Variants in GLT8D2 observed in about 807,000 individuals in gnomAD.
GLT8D2 encodes the protein glycosyltransferase 8 domain-containing protein 2.
A neutral mutation model predicts 44.5 loss-of-function variants in GLT8D2; 45 were observed. That is an observed-to-expected ratio of 1.01 (90% confidence interval 0.80 to 1.30). The LOEUF is 1.30. Ranked by LOEUF, GLT8D2 falls within the 50% of genes most tolerant of loss-of-function variation. The pLI is 0.00. For missense variants in GLT8D2, 400 were observed against 430.4 expected (o/e 0.93, Z 0.62); for synonymous variants, 156 against 157.2 (o/e 0.99, Z 0.06).
intron 4 of GLT8D2, among the ~76,000 whole-genome samples, chr12:104,003,657 T>C (rs1368233103): frequency 6.6e-6 from 1 of 152,090 alleles, no homozygotes; most frequent in East Asian, 1.9e-4. Context: ...ACTGTTGATA[T>C]GATGGTGGGA....
chr12:104,047,375 G>A (rs905048997), intron 1 of GLT8D2, among the ~76,000 whole-genome samples: 6 of 147,918 alleles, frequency 4.1e-5, no homozygotes, highest in Non-Finnish European at 7.4e-5. Context: ...TGCAATCTCA[G>A]CTCACCACAA....
At chr12:104,042,319 A>G (rs1239759251) in intron 1 of GLT8D2, among the ~76,000 whole-genome samples, 2 of 152,102 alleles carry the variant, frequency 1.3e-5, no homozygotes, top group African/African-American at 4.8e-5. Flanking sequence ...CCACCTTGAG[A>G]CCATGAGGGA....
intron 1 of GLT8D2, among the ~76,000 whole-genome samples, chr12:104,025,274 T>A (rs1878439390): frequency 6.6e-6 from 1 of 151,852 alleles, no homozygotes. Flanking sequence ...AGTGGTATAA[T>A]CTTGGCCCAC....
At chr12:103,996,712 T>C in intron 8 of GLT8D2, 23 bp downstream of exon 8, 1 of 1,532,992 alleles carries the variant, frequency 6.5e-7, no homozygotes, top group Non-Finnish European at 9.0e-7. Context: ...GAAGGGAGGA[T>C]TTCTGAGACA....
intron 4 of GLT8D2, among the ~76,000 whole-genome samples, chr12:104,006,473 A>G (rs1379150547): frequency 2.6e-5 from 4 of 152,366 alleles, no homozygotes; most frequent in Admixed American, 1.3e-4. Context: ...CTGATGTCAC[A>G]GCTTGGATTT....
intron 1 of GLT8D2, among the ~76,000 whole-genome samples, chr12:104,029,511 AAGAG>A (rs1298236021): frequency 6.6e-6 from 1 of 152,120 alleles, no homozygotes; most frequent in South Asian, 2.1e-4. Flanking sequence ...TGTGTGTAGA[AAGAG>A]AGAGAGTGAG....
intron 1 of GLT8D2, among the ~76,000 whole-genome samples, chr12:104,044,256 A>G (rs1880857649): frequency 6.6e-6 from 1 of 152,136 alleles, no homozygotes; most frequent in African/African-American, 2.4e-5. Flanking sequence ...AAAAGCCTCT[A>G]ACCCCAACAA....
intron 2 of GLT8D2, 73 bp from the exon 3 acceptor site, chr12:104,019,749 A>G (rs1352685278): frequency 2.1e-6 from 2 of 931,256 alleles, no homozygotes; most frequent in Middle Eastern, 4.7e-4. Context: ...GTTAAGGACT[A>G]TGCCTTCCCT....
rs200952255 is a variant in GLT8D2 at position 103,993,524 on chromosome 12, A to G, written c.768-20T>C. On this transcript the variant is annotated intron_variant, in intron 9 of 10. Coordinates refer to ENST00000360814, the MANE Select transcript of GLT8D2 (RefSeq NM_001384711.1). ...TTTTCCCTAAGAAATGAAATAGAAA[A>G]ACAACATTTGGCCTGGAGCCCCCAC... The G allele has an allele frequency of 4.6e-6, 7 of 1,518,158 alleles. No individual in the cohort carries two copies. In the Admixed American group the frequency reaches 1.1e-4, roughly 24 times the overall value. 94.0% of individuals were successfully genotyped at this position (1,518,158 alleles called of 1,614,324 possible). A position where few individuals can be genotyped will look rare whatever the true frequency, so the allele number is the denominator to read the frequency against.
At chr12:104,039,809 G>T (rs1392887018) in intron 1 of GLT8D2, among the ~76,000 whole-genome samples, 1 of 152,196 alleles carries the variant, frequency 6.6e-6, no homozygotes, top group Non-Finnish European at 1.5e-5. Context: ...TATACCCAAA[G>T]GATTATAAAT....
intron 4 of GLT8D2, among the ~76,000 whole-genome samples, chr12:104,011,030 A>G (rs1875764407): frequency 6.6e-6 from 1 of 152,218 alleles, no homozygotes; most frequent in Non-Finnish European, 1.5e-5. Context: ...CTGCCAACAC[A>G]TGACACTGCC....
At chr12:103,997,914 TACACACACAC>T (rs59719067) in intron 6 of GLT8D2, among the ~76,000 whole-genome samples, 277 of 146,138 alleles carry the variant, frequency 1.9e-3, no homozygotes, top group East Asian at 5.8e-3. Flanking sequence ...CAGCCTTAAA[TACACACACAC>T]ACACACACAC....
At chr12:104,050,252 C>G (rs1566215117), upstream of GLT8D2, 1 of 152,238 alleles carries the variant, frequency 6.6e-6, no homozygotes, top group Non-Finnish European at 1.5e-5. Context: ...CAGACTTCCT[C>G]TGGCTAAGTG....
At chr12:104,063,215 A>G (rs1882835737) in intron 1 of GLT8D2, among the ~76,000 whole-genome samples, 1 of 152,172 alleles carries the variant, frequency 6.6e-6, no homozygotes, top group African/African-American at 2.4e-5. Context: ...AGTGAAGCAT[A>G]TTAACATATC....
intron 1 of GLT8D2, among the ~76,000 whole-genome samples, chr12:104,060,195 T>C (rs774259148): frequency 2.0e-5 from 3 of 152,202 alleles, no homozygotes. Context: ...CCAGTTCCCT[T>C]TTAACTTCTC....
intron 8 of GLT8D2, 72 bp downstream of exon 8, chr12:103,996,663 G>T: frequency 9.3e-7 from 1 of 1,075,004 alleles, no homozygotes; most frequent in Non-Finnish European, 1.4e-6. Flanking sequence ...CACTCATTTT[G>T]ACTTGCAGAG....
chr12:104,035,284 C>T (rs1459729160), intron 1 of GLT8D2, among the ~76,000 whole-genome samples: 2 of 152,170 alleles, frequency 1.3e-5, no homozygotes, highest in African/African-American at 2.4e-5. Context: ...CAGCTCCTCG[C>T]CAGCAATGGA....
At chr12:103,997,353 C>G in intron 7 of GLT8D2, 98 bp downstream of exon 7, 1 of 891,184 alleles carries the variant, frequency 1.1e-6, no homozygotes, top group Non-Finnish European at 1.9e-6. Context: ...GCAGTCAAAA[C>G]TTGCTGCACA....
chr12:104,050,935 C>T (rs1881660162), upstream of GLT8D2, among the ~76,000 whole-genome samples: 1 of 151,882 alleles, frequency 6.6e-6, no homozygotes, highest in African/African-American at 2.4e-5. Context: ...CTGCCTCAGC[C>T]TCCCGAGTAG....
Sources: gnomAD v4.1 joint callset for allele counts (sites outside exome capture counted in the v4.1 genomes callset) on GRCh38, gnomAD v4.1.1 for gene constraint, MANE v1.5 for transcripts, NCBI Gene and HGNC (gene_info 2026-07-23, HGNC 2026-07-21) for gene names.